The following CHD7 variants were observed in gnomAD, a reference collection of about 807,000 sequenced individuals.
The protein encoded by CHD7 is ATP-dependent chromatin remodeler CHD7.
CHD7 carries 24 observed loss-of-function variants against 307.3 expected under a neutral mutation model. The ratio of observed to expected loss-of-function variants is 0.08; its 90% CI spans 0.06 to 0.11. CHD7 has a LOEUF of 0.11. Ranked by LOEUF, CHD7 falls within the 10% of genes least tolerant of loss-of-function variation. CHD7 has a pLI of 1.00. For synonymous variants in CHD7, 1,363 were observed against 1,349.9 expected (o/e 1.01, Z -0.21); for missense variants, 3,106 against 3,727.1 (o/e 0.83, Z 4.34).
chr8:60,808,007 G>A (rs1302153105), intron 6 of CHD7, among the ~76,000 whole-genome samples: 1 of 152,246 alleles, frequency 6.6e-6, no homozygotes, highest in Non-Finnish European at 1.5e-5. Flanking sequence ...AGAAGCTCTC[G>A]CACGTTGAGC....
chr8:60,813,437 T>C (rs1812903773), intron 7 of CHD7, among the ~76,000 whole-genome samples: 1 of 152,210 alleles, frequency 6.6e-6, no homozygotes, highest in African/African-American at 2.4e-5. Flanking sequence ...TCAAATACAA[T>C]ATTGAATAAC....
intron 7 of CHD7, among the ~76,000 whole-genome samples, chr8:60,815,864 A>G (rs1193734125): frequency 6.6e-6 from 1 of 152,198 alleles, no homozygotes; most frequent in East Asian, 1.9e-4. Flanking sequence ...GACCAGTATG[A>G]TAGGCCTTGG....
chr8:60,729,531 T>A (rs1195215182), intron 1 of CHD7, among the ~76,000 whole-genome samples: 1 of 152,222 alleles, frequency 6.6e-6, no homozygotes, highest in East Asian at 1.9e-4. Context: ...ATCTGGATCA[T>A]AATTTTATTA....
chr8:60,801,735 C>T, intron 6 of CHD7, 142 bp downstream of exon 6: 1 of 614,302 alleles, frequency 1.6e-6, no homozygotes, highest in Non-Finnish European at 2.8e-6. Context: ...ATTTATTAAC[C>T]CAATATGAAT....
At chr8:60,825,864 G>T (rs1449194158) in intron 13 of CHD7, among the ~76,000 whole-genome samples, 1 of 151,236 alleles carries the variant, frequency 6.6e-6, no homozygotes, top group Non-Finnish European at 1.5e-5. Context: ...TTTAATTTAA[G>T]TTCTAGGGTA....
chr8:60,850,592 G>A lies in CHD7; in HGVS notation c.5504G>A (p.Gly1835Glu). The A allele has an allele frequency of 6.2e-7, 1 of 1,612,992 alleles. No individual in the cohort carries two copies. The highest frequency in any genetic ancestry group is 8.5e-7 in the Non-Finnish European group (1 of 1,179,418). ...AAGGCCATAGCTGCCGAGCAAAGAGGAACAGACATGCTAGCAGATGGTGGT... is the reference window on the plus strand; with the variant it reads ...AAGGCCATAGCTGCCGAGCAAAGAGAAACAGACATGCTAGCAGATGGTGGT... ...DAKAIAAEQR[G>E]TDMLADGGDG... Residue 1835 changes from glycine to glutamate, a missense_variant, in exon 26 of 38, where the codon GGA becomes GAA. Physicochemically the swap from Gly to Glu is moderately conservative, Grantham distance 98. Around this residue, in one of 10 missense-constraint regions of CHD7, gnomAD observed 1,030 missense variants for 1,165.4 expected, o/e 0.88. Transcript: ENST00000423902.
At chr8:60,732,735 T>C (rs1808515575) in intron 1 of CHD7, among the ~76,000 whole-genome samples, 1 of 152,156 alleles carries the variant, frequency 6.6e-6, no homozygotes, top group African/African-American at 2.4e-5. Flanking sequence ...ATACTAGCAA[T>C]CAGCAAATTT....
At chr8:60,750,897 A>G (rs954522761) in intron 2 of CHD7, among the ~76,000 whole-genome samples, 2 of 152,256 alleles carry the variant, frequency 1.3e-5, no homozygotes, top group African/African-American at 4.8e-5. Flanking sequence ...CCTCCAAGAC[A>G]GGTGTTACCC....
chr8:60,850,575 A>G lies in CHD7; in HGVS notation c.5487A>G (p.Ile1829Met). ...TCGGTATGCCTGATGCCAAGGCCATAGCTGCCGAGCAAAGAGGAACAGACA... is the reference window on the plus strand; with the variant it reads ...TCGGTATGCCTGATGCCAAGGCCATGGCTGCCGAGCAAAGAGGAACAGACA... Reference protein sequence around the residue: ...ERVGMPDAKAIAAEQRGTDML... With the variant: ...ERVGMPDAKAMAAEQRGTDML... The change falls in exon 26 of 38, where the codon ATA becomes ATG. Residue 1829 changes from isoleucine to methionine, a missense_variant. Ile to Met is a conservative substitution (Grantham distance 10). Coordinates refer to ENST00000423902, the MANE Select transcript of CHD7 (RefSeq NM_017780.4). The G allele has an allele frequency of 6.2e-7, 1 of 1,613,332 alleles. No individual in the cohort carries two copies. Among genetic ancestry groups the G allele is most frequent in the Non-Finnish European group, 8.5e-7 (1 of 1,179,580 alleles).
chr8:60,708,689 C>T (rs1807130402), intron 1 of CHD7, among the ~76,000 whole-genome samples: 2 of 152,320 alleles, frequency 1.3e-5, no homozygotes, highest in Admixed American at 6.5e-5. Context: ...GCTTTTGCTT[C>T]GCCCTATTTC....
chr8:60,720,046 G>A lies in CHD7; in HGVS notation c.-174-21213G>A, dbSNP rs140694521. Among the ~76,000 whole-genome samples the A allele has an allele frequency of 4.3e-3, 661 of 152,284 alleles. 1 individual carries two copies. The highest frequency in any genetic ancestry group is 0.017 in the Admixed American group (256 of 15,300). On this transcript the variant is annotated intron_variant, in intron 1 of 37. Coordinates refer to ENST00000423902, the MANE Select transcript of CHD7 (RefSeq NM_017780.4). ...CTAGGTTTTTAATGGGAGAAAGGTTGCAGAGTGTGAGCATATTATAGATAC... is the reference window on the plus strand; with the variant it reads ...CTAGGTTTTTAATGGGAGAAAGGTTACAGAGTGTGAGCATATTATAGATAC...
intron 1 of CHD7, among the ~76,000 whole-genome samples, chr8:60,722,409 A>G (rs771464509): frequency 1.3e-5 from 2 of 152,160 alleles, no homozygotes; most frequent in African/African-American, 2.4e-5. Context: ...TTTGTGTTGT[A>G]CAAGTTTTAA....
intron 13 of CHD7, among the ~76,000 whole-genome samples, chr8:60,826,481 G>C (rs1471760413): frequency 6.6e-6 from 1 of 152,134 alleles, no homozygotes; most frequent in African/African-American, 2.4e-5. Context: ...TTCTTTCCTA[G>C]AATAAGTCAC....
intron 1 of CHD7, among the ~76,000 whole-genome samples, chr8:60,712,038 G>C (rs536927457): frequency 6.6e-6 from 1 of 152,160 alleles, no homozygotes; most frequent in Non-Finnish European, 1.5e-5. Flanking sequence ...ATGCAGAGGT[G>C]GGTGTTCCAA....
chr8:60,829,090 G>A (rs998151495), intron 14 of CHD7, among the ~76,000 whole-genome samples: 7 of 152,204 alleles, frequency 4.6e-5, no homozygotes, highest in Non-Finnish European at 1.0e-4. Context: ...CAGGTTGGTA[G>A]TTTTGCTAGG....
intron 23 of CHD7, among the ~76,000 whole-genome samples, chr8:60,846,717 G>A (rs1032056145): frequency 6.6e-5 from 10 of 152,342 alleles, no homozygotes; most frequent in South Asian, 4.1e-4. Context: ...CATGCCAAGC[G>A]CTTTGTATGG....
intron 1 of CHD7, among the ~76,000 whole-genome samples, chr8:60,681,455 A>C (rs1805623616): frequency 6.6e-6 from 1 of 152,198 alleles, no homozygotes; most frequent in Non-Finnish European, 1.5e-5. Flanking sequence ...TGGGGCATGG[A>C]GTAGGACTTG....
At chr8:60,679,158 G>C (rs1805429450) in intron 1 of CHD7, 76 bp downstream of exon 1, 1 of 155,934 alleles carries the variant, frequency 6.4e-6, no homozygotes, top group Non-Finnish European at 1.4e-5. Flanking sequence ...CTCCGGGCCG[G>C]GGCCGGGGCC....
At chr8:60,837,076 A>C in intron 17 of CHD7, 64 bp downstream of exon 17, 3 of 1,288,082 alleles carry the variant, frequency 2.3e-6, no homozygotes, top group East Asian at 4.8e-5. Flanking sequence ...TATGACAGAG[A>C]GTACCAGTCA....
Sources: gnomAD v4.1 joint callset for allele counts (sites outside exome capture counted in the v4.1 genomes callset) on GRCh38, gnomAD v4.1.1 for gene constraint, gnomAD v4.1.1 regional missense constraint, MANE v1.5 for transcripts, NCBI Gene and HGNC (gene_info 2026-07-23, HGNC 2026-07-21) for gene names.